TIMM44: variants seen among roughly 807,000 people sequenced by gnomAD.
The protein encoded by TIMM44 is mitochondrial import inner membrane translocase subunit TIM44.
Under a neutral mutation model 63.8 loss-of-function variants are expected in TIMM44, and 37 were observed. That is an observed-to-expected ratio of 0.58 (90% CI 0.45 to 0.76). The LOEUF is 0.76. TIMM44 is among the 30% of genes least tolerant of loss of function. The pLI, the probability that TIMM44 is intolerant of heterozygous loss-of-function variation, is 0.00. For missense variants in TIMM44, 573 were observed against 603.8 expected (o/e 0.95, Z 0.54); for synonymous variants, 239 against 245.1 (o/e 0.98, Z 0.23).
rs776249799 is a variant in TIMM44 at position 7,928,165 on chromosome 19, G to A, written c.1040C>T (p.Thr347Ile). Residue 347 changes from threonine (T) to isoleucine (I), a missense_variant and splice_region_variant, in exon 11 of 13, where the codon ACT becomes ATT. Coordinates refer to ENST00000270538, the MANE Select transcript of TIMM44 (RefSeq NM_006351.4). ...GATGGGGTGGGCCAGCTGGCTGTAA[G>A]TCTGCAATGAGAGGCCGACACGCCT... Reference protein sequence around the residue: ...DILKDWCYEATYSQLAHPIQQ... With the variant: ...DILKDWCYEAIYSQLAHPIQQ... 3.1e-6 allele frequency: 5 copies of A among 1,613,458 alleles called. No homozygotes were observed. The highest frequency in any genetic ancestry group is 1.7e-4 in the Middle Eastern group (1 of 6,060).
chr19:7,936,687 G>A (rs1273267067), intron 3 of TIMM44, among the ~76,000 whole-genome samples: 2 of 152,178 alleles, frequency 1.3e-5, no homozygotes, highest in African/African-American at 4.8e-5. Context: ...ATAATGACAG[G>A]CTGGGAGCAG....
intron 3 of TIMM44, 75 bp from the exon 4 acceptor site, chr19:7,935,220 C>T (rs1483375584): frequency 1.1e-5 from 14 of 1,269,346 alleles, no homozygotes; most frequent in Admixed American, 6.3e-5. Flanking sequence ...GGCTGGAGTA[C>T]AGTGGCACGC....
At chr19:7,937,106 A>G (rs1472597475) in intron 3 of TIMM44, among the ~76,000 whole-genome samples, 2 of 150,776 alleles carry the variant, frequency 1.3e-5, no homozygotes, top group Admixed American at 6.6e-5. Flanking sequence ...TGCTTCAAAA[A>G]ACAACAACAA....
At chr19:7,935,173 T>TTTC in intron 3 of TIMM44, 28 bp from the exon 4 acceptor site, 1 of 1,539,422 alleles carries the variant, frequency 6.5e-7, no homozygotes, top group Non-Finnish European at 8.9e-7. Context: ...TGTCCTTTTT[T>TTTC]TTTTTTTTTT....
At chr19:7,930,244 C>T (rs1341847304) in intron 10 of TIMM44, among the ~76,000 whole-genome samples, 2 of 151,542 alleles carry the variant, frequency 1.3e-5, no homozygotes, top group Non-Finnish European at 2.9e-5. Flanking sequence ...CTCAAGTGAT[C>T]CTCCCACCTC....
intron 12 of TIMM44, 35 bp from the exon 13 acceptor site, chr19:7,927,341 G>C: frequency 6.2e-7 from 1 of 1,604,716 alleles, no homozygotes. Context: ...CTGTTGAGAG[G>C]GTTGAGGTGA....
rs149061456 is a variant in TIMM44, at chr19:7,934,188, G to A, written c.444C>T (p.Gly148=). 1.2e-5 allele frequency: 19 copies of A among 1,613,298 alleles called. No individual in the cohort carries two copies. The highest frequency in any genetic ancestry group is 6.7e-5 in the African/African-American group (5 of 74,900). Residue 148 remains glycine (G), a synonymous_variant, in exon 5 of 13, where the codon GGC becomes GGT. Transcript: ENST00000270538. The surrounding 1 kb of genome is among the most constrained non-coding windows in gnomAD (Gnocchi z 5.3). The part of the protein sequence containing the change: ...KSDLGRKIKE[G]VEEAAKTAKQ... Reference sequence around the variant, plus strand: ...TGGCCGTCTTGGCTGCTTCCTCCACGCCCTCCTTGATTTTCCGGCCGAGAT... The same window carrying A: ...TGGCCGTCTTGGCTGCTTCCTCCACACCCTCCTTGATTTTCCGGCCGAGAT...
chr19:7,934,080 T>G lies in TIMM44; in HGVS notation c.543+9A>C. 6.2e-7 allele frequency: 1 copy of G among 1,613,294 alleles called. No homozygotes were observed. The highest frequency in any genetic ancestry group is 2.2e-5 in the East Asian group (1 of 44,852). On this transcript the variant is annotated intron_variant, in intron 5 of 12. Coordinates refer to ENST00000270538, the MANE Select transcript of TIMM44 (RefSeq NM_006351.4). The surrounding 1 kb of genome is among the most constrained non-coding windows in gnomAD (Gnocchi z 5.3). ...CAGGCTGCATGCCCTAGCCCAGGACTGGGCTCACCTGGGAGAGGGCTCTGA... is the reference window on the plus strand; with the variant it reads ...CAGGCTGCATGCCCTAGCCCAGGACGGGGCTCACCTGGGAGAGGGCTCTGA...
intron 1 of TIMM44, among the ~76,000 whole-genome samples, chr19:7,941,953 C>T (rs939508483): frequency 3.3e-5 from 5 of 152,176 alleles, no homozygotes; most frequent in Non-Finnish European, 7.3e-5. Context: ...GCCCCAGGGA[C>T]AACTCTGGAA....
Position 7,928,161 on chromosome 19 carries a change from G to C in TIMM44, c.1044C>G (p.Tyr348Ter), listed in dbSNP as rs768536520. 3 of 1,613,454 alleles carry C rather than the reference G, an allele frequency of 1.9e-6. No homozygotes were observed. Among genetic ancestry groups the C allele is most frequent in the Non-Finnish European group, 2.5e-6 (3 of 1,179,782 alleles). ...ILKDWCYEAT[Y>*]SQLAHPIQQA... Reference sequence around the variant, plus strand: ...GCTGGATGGGGTGGGCCAGCTGGCTGTAAGTCTGCAATGAGAGGCCGACAC... The same window carrying C: ...GCTGGATGGGGTGGGCCAGCTGGCTCTAAGTCTGCAATGAGAGGCCGACAC... The change falls in exon 11 of 13, where the codon TAC becomes TAG. Residue 348 changes from tyrosine to a stop codon, truncating the protein, a stop_gained. Transcript: ENST00000270538. LOFTEE classifies it high-confidence loss of function.
intron 3 of TIMM44, 155 bp from the exon 4 acceptor site, chr19:7,935,300 G>C: frequency 1.5e-6 from 1 of 684,462 alleles, no homozygotes; most frequent in Non-Finnish European, 2.5e-6. Context: ...CGAGTAGCTG[G>C]GACTACAGGG....
intron 9 of TIMM44, among the ~76,000 whole-genome samples, chr19:7,931,981 G>A (rs1160025694): frequency 2.0e-5 from 3 of 152,252 alleles, no homozygotes; most frequent in Non-Finnish European, 2.9e-5. Flanking sequence ...GGAGGCCGGC[G>A]GGGCCAAGGA....
intron 10 of TIMM44, 115 bp downstream of exon 10, chr19:7,931,023 G>C: frequency 1.1e-6 from 1 of 901,370 alleles, no homozygotes; most frequent in Non-Finnish European, 1.8e-6. Flanking sequence ...CCCCCACCGG[G>C]AGCCCAGGTC....
Position 7,934,503 on chromosome 19 carries a change from T to TGAGCACACCGGCACCCCCAGAGCCAC in TIMM44, c.394-266_394-265insGTGGCTCTGGGGGTGCCGGTGTGCTC, listed in dbSNP as rs1568296736. 6.6e-6 allele frequency among the ~76,000 whole-genome samples: 1 copy of TGAGCACACCGGCACCCCCAGAGCCAC among 150,752 alleles called. No individual in the cohort carries two copies. Among genetic ancestry groups the TGAGCACACCGGCACCCCCAGAGCCAC allele is most frequent in the Non-Finnish European group, 1.5e-5 (1 of 67,694 alleles). ...GAGCACACCGGCACCCCCAGAGCCATGAGCACACCGCCACGGCTTCCGGGA... is the reference window on the plus strand; with the variant it reads ...GAGCACACCGGCACCCCCAGAGCCATGAGCACACCGGCACCCCCAGAGCCACGAGCACACCGCCACGGCTTCCGGGA... On this transcript the variant is annotated intron_variant, in intron 4 of 12. Transcript: ENST00000270538. This position sits in a 1 kb window ranked among gnomAD's most constrained non-coding sequence, Gnocchi z 5.3.
At chr19:7,932,379 C>T in intron 9 of TIMM44, 2 of 565,852 alleles carry the variant, frequency 3.5e-6, no homozygotes, top group Non-Finnish European at 6.3e-6. Context: ...GGAACAACAG[C>T]CTCAGGCAGG....
Position 7,932,677 on chromosome 19 carries a change from C to A in TIMM44, c.937G>T (p.Asp313Tyr). The A allele has an allele frequency of 6.2e-7, 1 of 1,614,150 alleles. No individual in the cohort carries two copies. Among genetic ancestry groups the A allele is most frequent in the East Asian group, 2.2e-5 (1 of 44,866 alleles). The change falls in exon 9 of 13, where the codon GAC becomes TAC. Residue 313 changes from aspartate (D) to tyrosine (Y), a missense_variant. Physicochemically the swap from Asp to Tyr is radical, Grantham distance 160. Coordinates refer to ENST00000270538, the MANE Select transcript of TIMM44 (RefSeq NM_006351.4). ...TTCTCGCACTGTTTCAGAAACCGGT[C>A]CTTGTCAAAGGCCGGGTCCACCCGG... ...ILRVDPAFDK[D>Y]RFLKQCENDI...
chr19:7,940,377 C>T (rs1260101744), intron 2 of TIMM44, among the ~76,000 whole-genome samples: 1 of 152,152 alleles, frequency 6.6e-6, no homozygotes, highest in East Asian at 1.9e-4. Context: ...CAGGACCACA[C>T]AACCTTATCG....
intron 3 of TIMM44, among the ~76,000 whole-genome samples, chr19:7,937,466 A>G (rs1984188559): frequency 1.3e-5 from 2 of 151,782 alleles, no homozygotes; most frequent in South Asian, 4.2e-4. Context: ...CTGCTCATCC[A>G]CTCCCAGGAG....
At chr19:7,931,100 CT>C in intron 10 of TIMM44, 37 bp downstream of exon 10, 1 of 1,566,928 alleles carries the variant, frequency 6.4e-7, no homozygotes. Flanking sequence ...TTTTTTAGGC[CT>C]TAAAAAAAAA....
Sources: allele counts gnomAD v4.1 joint callset (sites outside exome capture counted in the v4.1 genomes callset), GRCh38; gene constraint gnomAD v4.1.1; non-coding constraint Gnocchi (gnomAD v3.1); transcripts MANE v1.5; gene names NCBI Gene and HGNC (gene_info 2026-07-23, HGNC 2026-07-21).